ZFX: variants seen among roughly 807,000 people sequenced by gnomAD.
ZFX encodes zinc finger X-chromosomal protein.
For synonymous variants in ZFX, 196 were observed against 226.8 expected, an observed-to-expected ratio of 0.86 and a Z score of 1.22; for missense variants, 362 against 628.3, an observed-to-expected ratio of 0.58 and a Z score of 4.53.
intron 4 of ZFX, among the ~76,000 whole-genome samples, chrX:24,173,371 T>C (rs1372384165): frequency 9.0e-6 from 1 of 111,134 alleles, no homozygotes; most frequent in African/African-American, 3.3e-5. Context: ...GTCTCCCACA[T>C]TGACCCTGTC....
rs63450861 is a variant in ZFX at position 24,170,156 on chromosome X, A to AT, written c.-28-2542dup. On this transcript the variant is annotated intron_variant, in intron 3 of 9. Coordinates refer to ENST00000304543, the MANE Select transcript of ZFX (RefSeq NM_003410.4). ...GTCATAGTGTTTCATAATGCTTAGA[A>AT]TTTTTTTTTTTTTTTTTGAGACAGA... Among the ~76,000 whole-genome samples, 685 of 88,148 alleles carry AT rather than the reference A, an allele frequency of 7.8e-3. 23 individuals carry two copies. The East Asian group carries it at 0.13, about 17-fold the overall frequency. 76.5% of individuals were successfully genotyped at this position (88,148 alleles called of 115,157 possible). A position where few individuals can be genotyped will look rare whatever the true frequency, so the allele number is the denominator to read the frequency against.
chrX:24,149,865 C>A (rs1335719367), intron 1 of ZFX, 71 bp downstream of exon 1: 1 of 109,223 alleles, frequency 9.2e-6, no homozygotes, highest in East Asian at 2.9e-4. Flanking sequence ...GCCTGGTCGG[C>A]GGCCCGCAAG....
intron 4 of ZFX, 44 bp from the exon 5 acceptor site, chrX:24,179,139 A>G: frequency 9.1e-7 from 1 of 1,095,265 alleles, no homozygotes; most frequent in Non-Finnish European, 1.2e-6. Flanking sequence ...AATTGTAGTC[A>G]TGCATACTTA....
intron 5 of ZFX, among the ~76,000 whole-genome samples, chrX:24,204,275 A>C (rs1937494059): frequency 1.8e-5 from 2 of 112,501 alleles, no homozygotes; most frequent in African/African-American, 6.5e-5. Context: ...ATTCTCAGTA[A>C]GTCAGAAGTT....
At chrX:24,206,968 C>T (rs993973201) in intron 5 of ZFX, among the ~76,000 whole-genome samples, 5 of 111,017 alleles carry the variant, frequency 4.5e-5, no homozygotes, top group African/African-American at 1.6e-4. Flanking sequence ...GGCGCAGTGG[C>T]TCACACCTGT....
chrX:24,207,262 T>TTTTTC, intron 5 of ZFX, 64 bp from the exon 6 acceptor site: 1 of 1,075,507 alleles, frequency 9.3e-7, no homozygotes. Flanking sequence ...TTTTTTTTTT[T>TTTTTC]GCGAATAGTA....
rs571095280 is a variant in ZFX at position 24,153,405 on chromosome X, G to C, written c.-29+575G>C. On this transcript the variant is annotated intron_variant, in intron 3 of 9. Transcript: ENST00000304543. ...GGATTGCTGTCTCACAAGCCCCACT[G>C]CTGCTCTGAGCCTGCTCTTCACCCT... Among the ~76,000 whole-genome samples the C allele has an allele frequency of 1.6e-3, 179 of 111,531 alleles. 1 individual carries two copies. Among genetic ancestry groups the C allele is most frequent in the Middle Eastern group, 0.014 (3 of 217 alleles).
Position 24,207,319 on chromosome X carries a change from T to G in ZFX, c.647-7T>G, listed in dbSNP as rs1482440732. On this transcript the variant is annotated splice_polypyrimidine_tract_variant and splice_region_variant and intron_variant, in intron 5 of 9. Transcript: ENST00000304543. Reference sequence around the variant, plus strand: ...TACTATTTGTGATTTATTTCCTTCCTTTTTAGTGGATGATGCTGGCAAAAT... The same window carrying G: ...TACTATTTGTGATTTATTTCCTTCCGTTTTAGTGGATGATGCTGGCAAAAT... 5.8e-6 allele frequency: 7 copies of G among 1,203,767 alleles called. No individual in the cohort carries two copies. The highest frequency in any genetic ancestry group is 7.9e-6 in the Non-Finnish European group (7 of 890,721).
chrX:24,175,069 T>A (rs1043288563), intron 4 of ZFX, among the ~76,000 whole-genome samples: 27 of 112,282 alleles, frequency 2.4e-4, no homozygotes, highest in African/African-American at 8.7e-4. Context: ...CAACTTGGGA[T>A]ACTCTTTTAA....
intron 5 of ZFX, among the ~76,000 whole-genome samples, chrX:24,187,641 CAT>C (rs1400233949): frequency 1.8e-5 from 2 of 111,368 alleles, no homozygotes; most frequent in African/African-American, 3.3e-5. Flanking sequence ...AAAAAGGAAT[CAT>C]ATATACGCTA....
chrX:24,192,732 C>T (rs1936620270), intron 5 of ZFX, among the ~76,000 whole-genome samples: 1 of 109,273 alleles, frequency 9.2e-6, no homozygotes, highest in African/African-American at 3.3e-5. Context: ...ATCGGGAGAC[C>T]CCATCTCTAG....
At position 24,211,183 on chromosome X, in the gene ZFX, G is replaced by T. The variant is rs140896363; in HGVS notation, c.2225G>T (p.Ser742Ile). The T allele has an allele frequency of 8.3e-7, 1 of 1,210,968 alleles. No individual in the cohort carries two copies. Among genetic ancestry groups the T allele is most frequent in the Non-Finnish European group, 1.1e-6 (1 of 895,494 alleles). ...CTTAAAAAGCATATGAAGACACACA[G>T]TGGCAGGAAAGTGTATCAGTGTGAG... ...SELKKHMKTH[S>I]GRKVYQCEYC... is the part of the protein sequence containing the mutation. The change falls in exon 10 of 10, where the codon AGT (serine) becomes ATT (isoleucine). Residue 742 changes from serine to isoleucine, a missense_variant. Coordinates refer to ENST00000304543, the MANE Select transcript of ZFX (RefSeq NM_003410.4).
At position 24,214,108 on chromosome X, in the gene ZFX, T is replaced by C. The variant is rs959799339; in HGVS notation, c.*2732T>C. On this transcript the variant is annotated 3_prime_UTR_variant, in exon 10 of 10. Transcript: ENST00000304543. The stretch of plus-strand genomic sequence containing the variant: ...GAAAATGAAATTGTAGTCACTGTTA[T>C]GTACTGACATTAGTTACAACCTAGT... The C allele has an allele frequency of 8.9e-6, 1 of 111,996 alleles. No homozygotes were observed. Among genetic ancestry groups the C allele is most frequent in the South Asian group, 3.7e-4 (1 of 2,713 alleles). The allele number at this position is 111,996 out of a possible 1,213,427, so 9.2% of individuals were successfully genotyped here. A position where few individuals can be genotyped will look rare whatever the true frequency, so the allele number is the denominator to read the frequency against.
chrX:24,160,078 T>C (rs1422714632), intron 3 of ZFX, among the ~76,000 whole-genome samples: 3 of 110,909 alleles, frequency 2.7e-5, no homozygotes, highest in Non-Finnish European at 5.7e-5. Flanking sequence ...ACTGCCTTTA[T>C]TATTGGATTT....
intron 5 of ZFX, among the ~76,000 whole-genome samples, chrX:24,191,369 A>G (rs1291187977): frequency 9.0e-6 from 1 of 111,627 alleles, no homozygotes; most frequent in Non-Finnish European, 1.9e-5. Context: ...AGTCTCTTAT[A>G]GGCTATATAA....
chrX:24,204,503 G>A (rs182919158), intron 5 of ZFX, among the ~76,000 whole-genome samples: 7 of 112,226 alleles, frequency 6.2e-5, no homozygotes, highest in African/African-American at 2.3e-4. Flanking sequence ...GGATGACTGT[G>A]AATTTTAAAA....
chrX:24,187,388 A>G (rs1481189947), intron 5 of ZFX, among the ~76,000 whole-genome samples: 1 of 111,930 alleles, frequency 8.9e-6, no homozygotes, highest in Non-Finnish European at 1.9e-5. Context: ...AAAGCAGTAG[A>G]GTTCATGATA....
At chrX:24,156,612 G>A (rs914350970) in intron 3 of ZFX, among the ~76,000 whole-genome samples, 5 of 108,239 alleles carry the variant, frequency 4.6e-5, no homozygotes, top group African/African-American at 1.0e-4. Flanking sequence ...GGTTTCATTG[G>A]TCTGTTTGCC....
Position 24,210,674 on chromosome X carries a change from G to A in ZFX, c.1716G>A (p.Gly572=), listed in dbSNP as rs779376824. 3 of 1,209,602 alleles carry A rather than the reference G, an allele frequency of 2.5e-6. No individual in the cohort carries two copies. The highest frequency in any genetic ancestry group is 3.4e-6 in the Non-Finnish European group (3 of 895,210). Residue 572 remains glycine, a synonymous_variant, in exon 10 of 10, where the codon GGG becomes GGA. Coordinates refer to ENST00000304543, the MANE Select transcript of ZFX (RefSeq NM_003410.4). ...ELKKHMRIHT[G]EKPYQCQYCE... is the part of the protein sequence containing the mutation. ...AAAAGCACATGAGAATCCATACTGG[G>A]GAGAAGCCGTACCAATGCCAGTACT...
Sources: allele counts gnomAD v4.1 joint callset (sites outside exome capture counted in the v4.1 genomes callset), GRCh38; gene constraint gnomAD v4.1.1; transcripts MANE v1.5; gene names NCBI Gene and HGNC (gene_info 2026-07-23, HGNC 2026-07-21).